The following FSTL5 variants were observed in gnomAD, a reference collection of about 807,000 sequenced individuals.
FSTL5 encodes the protein follistatin-related protein 5.
FSTL5 carries 62 observed loss-of-function variants against 89.1 expected under a neutral mutation model. The ratio of observed to expected loss-of-function variants is 0.70; its 90% confidence interval spans 0.57 to 0.86. The LOEUF (loss-of-function observed/expected upper bound fraction) is 0.86. FSTL5 is among the 40% of genes least tolerant of loss of function. The pLI, the probability that FSTL5 is intolerant of heterozygous loss-of-function variation, is 0.00. For missense variants in FSTL5, 1,057 were observed against 1,001.6 expected (o/e 1.06, Z -0.75); for synonymous variants, 383 against 346.2 (o/e 1.11, Z -1.18).
intron 6 of FSTL5, among the ~76,000 whole-genome samples, chr4:161,726,298 C>G (rs1739412514): frequency 7.3e-6 from 1 of 137,468 alleles, no homozygotes; most frequent in African/African-American, 2.7e-5. Flanking sequence ...AAGATCTCGG[C>G]TCACTGCTAC....
chr4:161,570,908 G>T (rs1732984493), intron 8 of FSTL5, among the ~76,000 whole-genome samples: 1 of 152,202 alleles, frequency 6.6e-6, no homozygotes, highest in Non-Finnish European at 1.5e-5. Flanking sequence ...GAGGTCAAGA[G>T]ATCGAGACCA....
chr4:161,704,540 T>C (rs1341600313), intron 6 of FSTL5, among the ~76,000 whole-genome samples: 1 of 152,140 alleles, frequency 6.6e-6, no homozygotes, highest in Non-Finnish European at 1.5e-5. Flanking sequence ...CTTGTCAAAG[T>C]TTGATCACAA....
chr4:161,450,133 T>C (rs1447312653), intron 15 of FSTL5, among the ~76,000 whole-genome samples: 1 of 152,122 alleles, frequency 6.6e-6, no homozygotes, highest in Non-Finnish European at 1.5e-5. Context: ...CATGGAAAAA[T>C]TTCATGGAAA....
intron 3 of FSTL5, among the ~76,000 whole-genome samples, chr4:161,983,690 T>C (rs1449248870): frequency 6.6e-6 from 1 of 152,120 alleles, no homozygotes; most frequent in East Asian, 1.9e-4. Context: ...CATTTATACA[T>C]CAAAAATTAG....
chr4:162,099,401 C>G (rs781417110), intron 2 of FSTL5, among the ~76,000 whole-genome samples: 7 of 152,022 alleles, frequency 4.6e-5, no homozygotes, highest in Non-Finnish European at 8.8e-5. Context: ...AATACAAACA[C>G]TTTACAATAA....
rs538954980 is a variant in FSTL5, at chr4:162,066,396, CT to C, written c.127-32739del. ...CTCCTTCTTCTTCTTCTTCATTTTC[CT>C]TTTTTTTTTCAGTTTTTCACCTTTT... is the stretch of plus-strand genomic sequence containing the variant. On this transcript the variant is annotated intron_variant, in intron 2 of 15. Coordinates refer to ENST00000306100, the MANE Select transcript of FSTL5 (RefSeq NM_020116.5). Among the ~76,000 whole-genome samples, 92 of 79,936 alleles carry C rather than the reference CT, an allele frequency of 1.2e-3. 1 individual carries two copies. Among genetic ancestry groups the C allele is most frequent in the African/African-American group, 3.2e-3 (70 of 21,584 alleles). The allele number at this position is 79,936 out of a possible 152,430, so 52.4% of individuals were successfully genotyped here. A position where few individuals can be genotyped will look rare whatever the true frequency, so the allele number is the denominator to read the frequency against.
intron 15 of FSTL5, among the ~76,000 whole-genome samples, chr4:161,434,256 T>C (rs1448563548): frequency 1.3e-5 from 2 of 152,034 alleles, no homozygotes; most frequent in South Asian, 2.1e-4. Flanking sequence ...CATACACATA[T>C]ATACAGTAAA....
At chr4:161,717,703 TG>T (rs578108744) in intron 6 of FSTL5, among the ~76,000 whole-genome samples, 287 of 152,364 alleles carry the variant, frequency 1.9e-3, no homozygotes, top group African/African-American at 6.6e-3. Context: ...GTTCTTAACA[TG>T]AAGTTATAAA....
At chr4:162,154,679 A>G (rs1053429317) in intron 1 of FSTL5, among the ~76,000 whole-genome samples, 3 of 152,266 alleles carry the variant, frequency 2.0e-5, no homozygotes, top group Middle Eastern at 3.4e-3. Flanking sequence ...CATTAAGCAA[A>G]TCCATCATTA....
At chr4:161,391,784 C>T (rs1730831962) in intron 15 of FSTL5, among the ~76,000 whole-genome samples, 1 of 152,138 alleles carries the variant, frequency 6.6e-6, no homozygotes, top group East Asian at 1.9e-4. Context: ...ATTACAAGAG[C>T]AAGGACAGTT....
intron 2 of FSTL5, among the ~76,000 whole-genome samples, chr4:162,055,149 ATTG>A (rs940461316): frequency 1.3e-5 from 2 of 151,822 alleles, no homozygotes; most frequent in African/African-American, 4.8e-5. Flanking sequence ...TGTGCATCAA[ATTG>A]TTGTTTAATG....
At chr4:161,875,501 T>A (rs1012914409) in intron 4 of FSTL5, among the ~76,000 whole-genome samples, 9 of 152,096 alleles carry the variant, frequency 5.9e-5, no homozygotes, top group Non-Finnish European at 1.0e-4. Context: ...TTCAGTTTCA[T>A]GAGATGAACG....
chr4:161,828,506 G>C (rs1326610445), intron 4 of FSTL5, among the ~76,000 whole-genome samples: 2 of 152,128 alleles, frequency 1.3e-5, no homozygotes, highest in Non-Finnish European at 2.9e-5. Context: ...TCAGTAGTCT[G>C]ATAAGTTCTT....
At chr4:161,491,551 A>C (rs752659909) in intron 12 of FSTL5, among the ~76,000 whole-genome samples, 11 of 152,090 alleles carry the variant, frequency 7.2e-5, no homozygotes, top group Non-Finnish European at 1.6e-4. Flanking sequence ...CTTAGGAGAC[A>C]GCCAACAGGC....
intron 4 of FSTL5, among the ~76,000 whole-genome samples, chr4:161,795,723 C>T (rs1427531154): frequency 1.3e-5 from 2 of 151,960 alleles, no homozygotes. Context: ...TATTCTTTCT[C>T]CATTGTGTTG....
chr4:161,700,397 A>G (rs1407495790), intron 6 of FSTL5, among the ~76,000 whole-genome samples: 5 of 152,210 alleles, frequency 3.3e-5, no homozygotes, highest in Non-Finnish European at 7.3e-5. Context: ...TGAAGTGTTA[A>G]AAAAGAATTA....
chr4:161,513,997 A>G (rs541472067), intron 10 of FSTL5, among the ~76,000 whole-genome samples: 2 of 152,308 alleles, frequency 1.3e-5, no homozygotes, highest in East Asian at 3.9e-4. Context: ...TAACAAAAAG[A>G]AATTAATTTA....
intron 13 of FSTL5, among the ~76,000 whole-genome samples, chr4:161,479,522 C>T (rs903652368): frequency 1.3e-5 from 2 of 152,080 alleles, no homozygotes; most frequent in African/African-American, 4.8e-5. Context: ...TTTTGATAAT[C>T]CCAAAATGAA....
intron 7 of FSTL5, among the ~76,000 whole-genome samples, chr4:161,601,202 T>C (rs1355609972): frequency 6.6e-6 from 1 of 151,910 alleles, no homozygotes; most frequent in Admixed American, 6.6e-5. Flanking sequence ...AGGAGAGGCA[T>C]TCCTCATGAT....
Sources: gnomAD v4.1 joint callset for allele counts (sites outside exome capture counted in the v4.1 genomes callset) on GRCh38, gnomAD v4.1.1 for gene constraint, MANE v1.5 for transcripts, NCBI Gene and HGNC (gene_info 2026-07-23, HGNC 2026-07-21) for gene names.